The following ATXN7 variants were observed in gnomAD, a reference collection of about 807,000 sequenced individuals.
The protein encoded by ATXN7 is ataxin-7.
A neutral mutation model predicts 70.5 loss-of-function variants in ATXN7; 12 were observed. The observed-to-expected ratio is 0.17, with a 90% CI of 0.11 to 0.28. The LOEUF is 0.28. Among genes scored for constraint, ATXN7 ranks in the 10% least tolerant of loss-of-function variants. ATXN7 has a pLI of 1.00. For synonymous variants in ATXN7, 498 were observed against 448.7 expected, an observed-to-expected ratio of 1.11 and a Z score of -1.39; for missense variants, 1,256 against 1,131.7, an observed-to-expected ratio of 1.11 and a Z score of -1.58.
intron 2 of ATXN7, among the ~76,000 whole-genome samples, chr3:63,899,223 T>C (rs756785633): frequency 1.1e-4 from 16 of 152,062 alleles, no homozygotes; most frequent in Admixed American, 2.6e-4. Flanking sequence ...CCACTACACC[T>C]GGCTAATTTT....
In ATXN7 at chr3:63,996,395, A is replaced by C. The variant is rs768488055; in HGVS notation, c.2573A>C (p.Lys858Thr). 4 of 1,614,058 alleles carry C rather than the reference A, an allele frequency of 2.5e-6. No individual in the cohort carries two copies. The African/African-American group carries it at 5.3e-5, about 22-fold the overall frequency. Reference sequence around the variant, plus strand: ...AGCAGCAAACCCACAAAGGTTGCCAAAGTGCCAGCCGTGAACAATGTCCAC... The same window carrying C: ...AGCAGCAAACCCACAAAGGTTGCCACAGTGCCAGCCGTGAACAATGTCCAC... ...NSSSKPTKVA[K>T]VPAVNNVHMK... Residue 858 changes from lysine (K) to threonine (T), a missense_variant, in exon 12 of 13, where the codon AAA (lysine) becomes ACA (threonine). Physicochemically the swap from Lys to Thr is moderately conservative, Grantham distance 78. Transcript: ENST00000674280.
In ATXN7 at chr3:63,992,266, T is replaced by C. The variant is rs1415260990; in HGVS notation, c.1682+1407T>C. Among the ~76,000 whole-genome samples, 3 of 152,246 alleles carry C rather than the reference T, an allele frequency of 2.0e-5. No individual in the cohort carries two copies. In the East Asian group the frequency reaches 5.8e-4, roughly 29 times the overall value. On this transcript the variant is annotated intron_variant, in intron 11 of 12. Transcript: ENST00000674280. ...TAGAACACCAGATTCAGAGCACTGT[T>C]ACTCTGCTTTTCTTTTTCATATTTC...
At chr3:63,903,117 G>A (rs1022789977) in intron 2 of ATXN7, among the ~76,000 whole-genome samples, 6 of 152,002 alleles carry the variant, frequency 3.9e-5, no homozygotes, top group Non-Finnish European at 8.8e-5. Flanking sequence ...CATGTGGGCC[G>A]GGCACGGTGG....
At chr3:63,934,708 A>C (rs1474269247) in intron 4 of ATXN7, among the ~76,000 whole-genome samples, 2 of 152,190 alleles carry the variant, frequency 1.3e-5, no homozygotes, top group Non-Finnish European at 2.9e-5. Flanking sequence ...GACCTTGGGC[A>C]AGTTATTTAA....
chr3:63,944,155 TG>T (rs1295320240), intron 4 of ATXN7, among the ~76,000 whole-genome samples: 1 of 152,192 alleles, frequency 6.6e-6, no homozygotes, highest in Non-Finnish European at 1.5e-5. Context: ...TGTATATAGT[TG>T]TTCCCCCGTA....
At chr3:63,988,550 T>G in intron 9 of ATXN7, 1 of 575,934 alleles carries the variant, frequency 1.7e-6, no homozygotes, top group Non-Finnish European at 3.0e-6. Flanking sequence ...AAAGCTAGAG[T>G]TATCTGCTCT....
At chr3:63,994,144 A>G (rs959649909) in intron 11 of ATXN7, among the ~76,000 whole-genome samples, 4 of 152,202 alleles carry the variant, frequency 2.6e-5, no homozygotes, top group Non-Finnish European at 5.9e-5. Context: ...CTTAAGCTCC[A>G]CAGGTGACTG....
chr3:63,865,321 T>C (rs576893623), intron 1 of ATXN7: 1 of 152,342 alleles, frequency 6.6e-6, no homozygotes, highest in Admixed American at 6.5e-5. Context: ...ACTTGACTTT[T>C]GTCACAAAGA....
intron 4 of ATXN7, among the ~76,000 whole-genome samples, chr3:63,927,992 CTATT>C (rs1413878899): frequency 5.3e-5 from 8 of 152,216 alleles, no homozygotes; most frequent in Admixed American, 2.6e-4. Context: ...AGTTTATAAT[CTATT>C]CATGAATCAT....
intron 1 of ATXN7, among the ~76,000 whole-genome samples, chr3:63,881,273 A>T (rs1222923449): frequency 6.6e-6 from 1 of 152,082 alleles, no homozygotes; most frequent in Non-Finnish European, 1.5e-5. Flanking sequence ...CAATGCTGAG[A>T]ATGCTGAGGT....
intron 2 of ATXN7, chr3:63,911,723 G>C (rs1334435425): frequency 6.6e-6 from 1 of 152,252 alleles, no homozygotes; most frequent in Non-Finnish European, 1.5e-5. Context: ...ATTGCGGGTC[G>C]GGGGCACACA....
At chr3:63,874,343 G>A (rs1028241979) in intron 1 of ATXN7, among the ~76,000 whole-genome samples, 1 of 152,118 alleles carries the variant, frequency 6.6e-6, no homozygotes, top group Admixed American at 6.6e-5. Context: ...CTGTAACTTT[G>A]CTAATACTTT....
intron 2 of ATXN7, among the ~76,000 whole-genome samples, chr3:63,910,512 A>G (rs187593263): frequency 1.9e-4 from 29 of 152,298 alleles, no homozygotes; most frequent in African/African-American, 7.0e-4. Flanking sequence ...CAGATTTTGC[A>G]GTGATTTGGA....
At chr3:63,928,479 C>A (rs1242374148) in intron 4 of ATXN7, among the ~76,000 whole-genome samples, 2 of 151,858 alleles carry the variant, frequency 1.3e-5, no homozygotes, top group Non-Finnish European at 2.9e-5. Flanking sequence ...TTAGACAATA[C>A]CTGGTAGAAA....
At chr3:63,880,785 G>T (rs750435281) in intron 1 of ATXN7, among the ~76,000 whole-genome samples, 1 of 152,096 alleles carries the variant, frequency 6.6e-6, no homozygotes, top group Non-Finnish European at 1.5e-5. Flanking sequence ...CAGACACGCC[G>T]CCCTTCTCAT....
intron 4 of ATXN7, among the ~76,000 whole-genome samples, chr3:63,950,546 T>C (rs1450189676): frequency 1.3e-5 from 2 of 152,230 alleles, no homozygotes. Flanking sequence ...ATGAATGTTA[T>C]ACCAGTTCTG....
intron 2 of ATXN7, among the ~76,000 whole-genome samples, chr3:63,908,613 A>G (rs1703916378): frequency 6.6e-6 from 1 of 152,140 alleles, no homozygotes; most frequent in Non-Finnish European, 1.5e-5. Context: ...TTGTACTGGG[A>G]CTGGTGGTTT....
chr3:63,935,996 C>T lies in ATXN7; in HGVS notation c.395-16383C>T, dbSNP rs531048506. Among the ~76,000 whole-genome samples, 5 of 152,238 alleles carry T rather than the reference C, an allele frequency of 3.3e-5. No homozygotes were observed. The South Asian group carries it at 1.0e-3, about 32-fold the overall frequency. On this transcript the variant is annotated intron_variant, in intron 4 of 12. Transcript: ENST00000674280. ...AGAAAAATAGTGTGGCTAATTTTACCAGTCATTCAATGCATATTGTTTTGA... is the reference window on the plus strand; with the variant it reads ...AGAAAAATAGTGTGGCTAATTTTACTAGTCATTCAATGCATATTGTTTTGA...
intron 9 of ATXN7, among the ~76,000 whole-genome samples, 180 bp from the exon 10 acceptor site, chr3:63,989,996 A>T (rs924974435): frequency 2.2e-4 from 34 of 152,206 alleles, no homozygotes; most frequent in African/African-American, 7.2e-4. Flanking sequence ...AACATCCTGC[A>T]GTTCAGGAGA....
Sources: gnomAD v4.1 joint callset for allele counts (sites outside exome capture counted in the v4.1 genomes callset) on GRCh38, gnomAD v4.1.1 for gene constraint, MANE v1.5 for transcripts, NCBI Gene and HGNC (gene_info 2026-07-23, HGNC 2026-07-21) for gene names.